DMD: variants seen among roughly 807,000 people sequenced by gnomAD.
DMD encodes mutant dystrophin.
Under a neutral mutation model 330.1 loss-of-function variants are expected in DMD, and 63 were observed. The observed-to-expected ratio is 0.19, with a 90% CI of 0.16 to 0.24. DMD has a LOEUF of 0.24. Ranked by LOEUF, DMD falls within the 10% of genes least tolerant of loss-of-function variation. DMD has a pLI of 1.00. For synonymous variants in DMD, 1,223 were observed against 959.8 expected, an observed-to-expected ratio of 1.27 and a Z score of -5.07; for missense variants, 3,344 against 2,684.1, an observed-to-expected ratio of 1.25 and a Z score of -5.43.
intron 7 of DMD, among the ~76,000 whole-genome samples, chrX:32,713,237 T>C (rs992605182): frequency 3.6e-5 from 4 of 111,939 alleles, no homozygotes; most frequent in African/African-American, 1.3e-4. Flanking sequence ...ACCATTCATG[T>C]GATTTATGTT....
chrX:32,549,261 C>T (rs1284962472), intron 16 of DMD, among the ~76,000 whole-genome samples: 3 of 111,294 alleles, frequency 2.7e-5, no homozygotes, highest in Non-Finnish European at 5.7e-5. Context: ...TATCTCAAAT[C>T]TATGCATTAT....
Position 31,134,185 on chromosome X carries a change from T to C in DMD, c.10931A>G (p.Asp3644Gly). Reference sequence around the variant, plus strand: ...TGTGTCCTGGGGAGGACTGAGAAGATCTTCCTCACCTTAATAAAAGCAAAA... The same window carrying C: ...TGTGTCCTGGGGAGGACTGAGAAGACCTTCCTCACCTTAATAAAAGCAAAA... The part of the protein sequence containing the change: ...SQTSDSMGEE[D>G]LLSPPQDTST... The change falls in exon 77 of 79, where the codon GAT becomes GGT. Residue 3644 changes from aspartate to glycine, a missense_variant. Asp to Gly is a moderately conservative substitution (Grantham distance 94). Transcript: ENST00000357033. 1.7e-6 allele frequency: 2 copies of C among 1,208,964 alleles called. No individual in the cohort carries two copies. Among genetic ancestry groups the C allele is most frequent in the Non-Finnish European group, 2.2e-6 (2 of 893,355 alleles).
intron 11 of DMD, among the ~76,000 whole-genome samples, chrX:32,632,656 G>A (rs1232915568): frequency 1.8e-5 from 2 of 109,552 alleles, no homozygotes; most frequent in East Asian, 2.9e-4. Flanking sequence ...GCTTGTACCC[G>A]CTGGAGCTGT....
intron 55 of DMD, among the ~76,000 whole-genome samples, chrX:31,529,873 A>G (rs991666070): frequency 3.8e-5 from 4 of 106,355 alleles, no homozygotes; most frequent in Non-Finnish European, 7.7e-5. Flanking sequence ...ATCCTAGAAT[A>G]GCTTCTTGAA....
chrX:31,655,335 C>T (rs1437791229), intron 54 of DMD, among the ~76,000 whole-genome samples: 2 of 110,644 alleles, frequency 1.8e-5, no homozygotes, highest in African/African-American at 6.6e-5. Flanking sequence ...GAACTTGATT[C>T]GATTTTGCAG....
At chrX:32,406,160 A>T (rs77967594) in intron 30 of DMD, among the ~76,000 whole-genome samples, 3 of 110,648 alleles carry the variant, frequency 2.7e-5, no homozygotes, top group Non-Finnish European at 5.7e-5. Flanking sequence ...GGGCTGAGAC[A>T]ATGGGGTTTT....
chrX:31,431,420 G>A (rs1451924925), intron 60 of DMD, among the ~76,000 whole-genome samples: 2 of 111,311 alleles, frequency 1.8e-5, no homozygotes, highest in Admixed American at 1.9e-4. Flanking sequence ...ATTTTGAGAC[G>A]GAGTTTCGCT....
chrX:32,107,219 T>G (rs1232450931), intron 44 of DMD, among the ~76,000 whole-genome samples: 1 of 110,424 alleles, frequency 9.1e-6, no homozygotes, highest in Non-Finnish European at 1.9e-5. Flanking sequence ...GGATGGAGGA[T>G]TACGCTCTTG....
At chrX:32,030,979 T>C (rs1217222365) in intron 44 of DMD, among the ~76,000 whole-genome samples, 1 of 111,908 alleles carries the variant, frequency 8.9e-6, no homozygotes. Context: ...TTCTTTAGTA[T>C]CACAAAGTGC....
At chrX:31,332,695 TTTCTC>T (rs1175883418) in intron 61 of DMD, among the ~76,000 whole-genome samples, 1 of 111,923 alleles carries the variant, frequency 8.9e-6, no homozygotes, top group East Asian at 2.8e-4. Flanking sequence ...TAGTCTCAGT[TTTCTC>T]TTCTGTGAAA....
chrX:31,152,111 A>G (rs775956437), intron 74 of DMD, among the ~76,000 whole-genome samples: 1 of 109,646 alleles, frequency 9.1e-6, no homozygotes, highest in Non-Finnish European at 1.9e-5. Flanking sequence ...ACCTAGTTAC[A>G]TTTCATCCAT....
chrX:32,179,996 T>G, intron 44 of DMD, among the ~76,000 whole-genome samples: 1 of 111,857 alleles, frequency 8.9e-6, no homozygotes. Flanking sequence ...TTCATAGCAG[T>G]AGGAAAATGA....
chrX:33,081,908 A>T (rs2094935379), intron 1 of DMD, among the ~76,000 whole-genome samples: 1 of 110,773 alleles, frequency 9.0e-6, no homozygotes, highest in Admixed American at 9.7e-5. Flanking sequence ...AGAGTCTTTG[A>T]TTTTGAGAGG....
chrX:33,048,206 T>A (rs1484322396), intron 1 of DMD, among the ~76,000 whole-genome samples: 3 of 111,967 alleles, frequency 2.7e-5, no homozygotes, highest in Non-Finnish European at 3.8e-5. Flanking sequence ...TATTTGTTGA[T>A]TGTTCAGGCA....
rs780316731 is a variant in DMD, at chrX:32,345,504, A to G, written c.5586+439T>C. On this transcript the variant is annotated intron_variant, in intron 39 of 78. Transcript: ENST00000357033. The stretch of plus-strand genomic sequence containing the variant: ...TAAAGTTTTAAAAATAAATAAAAGA[A>G]TCTAGGGCTTATTAAACAAGTATCA... Among the ~76,000 whole-genome samples the G allele has an allele frequency of 1.4e-4, 16 of 111,563 alleles. No individual in the cohort carries two copies. In the South Asian group the frequency reaches 5.9e-3, roughly 41 times the overall value.
chrX:32,781,387 T>A (rs1397972463), intron 7 of DMD, among the ~76,000 whole-genome samples: 1 of 111,862 alleles, frequency 8.9e-6, no homozygotes, highest in East Asian at 2.8e-4. Context: ...GAAGGACTCA[T>A]ACTGTTGTTT....
At chrX:31,868,605 A>C (rs1329012999) in intron 48 of DMD, among the ~76,000 whole-genome samples, 2 of 112,056 alleles carry the variant, frequency 1.8e-5, no homozygotes, top group Non-Finnish European at 3.8e-5. Context: ...ATATGGAGCT[A>C]ATATAAGCCC....
At chrX:32,040,606 G>T (rs1156683067) in intron 44 of DMD, among the ~76,000 whole-genome samples, 1 of 111,517 alleles carries the variant, frequency 9.0e-6, no homozygotes, top group Non-Finnish European at 1.9e-5. Flanking sequence ...GAGGAAGCAA[G>T]AAAATTAGAT....
intron 7 of DMD, among the ~76,000 whole-genome samples, chrX:32,764,731 A>C (rs1266935943): frequency 8.9e-6 from 1 of 112,008 alleles, no homozygotes; most frequent in South Asian, 3.7e-4. Context: ...ACTATGAATA[A>C]TGCTGCTATA....
Sources: allele counts gnomAD v4.1 joint callset (sites outside exome capture counted in the v4.1 genomes callset), GRCh38; gene constraint gnomAD v4.1.1; transcripts MANE v1.5; gene names NCBI Gene and HGNC (gene_info 2026-07-23, HGNC 2026-07-21).